The following PPP1R12A variants were observed in gnomAD, a reference collection of about 807,000 sequenced individuals.
The protein encoded by PPP1R12A is protein phosphatase 1 regulatory subunit 12A.
PPP1R12A carries 19 observed loss-of-function variants against 139.6 expected under a neutral mutation model. That is an observed-to-expected ratio of 0.14 (90% confidence interval 0.09 to 0.20). The LOEUF is 0.20. Among genes scored for constraint, PPP1R12A ranks in the 10% least tolerant of loss-of-function variants. The probability of loss-of-function intolerance (pLI) is 1.00; values close to 1 mark genes in which losing one functional copy is unlikely to be tolerated. For missense variants in PPP1R12A, 925 were observed against 1,211.5 expected (o/e 0.76, Z 3.51); for synonymous variants, 427 against 420.6 (o/e 1.02, Z -0.19).
intron 9 of PPP1R12A, among the ~76,000 whole-genome samples, chr12:79,814,202 G>A (rs1874963592): frequency 6.6e-6 from 1 of 152,118 alleles, no homozygotes; most frequent in Non-Finnish European, 1.5e-5. Context: ...CTTCGGCTGG[G>A]CATGGTGGCT....
chr12:79,802,438 GA>G (rs1384566997), intron 14 of PPP1R12A, among the ~76,000 whole-genome samples: 9 of 152,202 alleles, frequency 5.9e-5, no homozygotes, highest in African/African-American at 4.8e-5. Flanking sequence ...AGGAAGAGAA[GA>G]AAAAATAAAA....
intron 2 of PPP1R12A, among the ~76,000 whole-genome samples, chr12:79,856,821 T>C (rs1397151092): frequency 6.6e-6 from 1 of 152,218 alleles, no homozygotes; most frequent in African/African-American, 2.4e-5. Flanking sequence ...CAAATAACTT[T>C]TGGTAGGTCT....
At chr12:79,854,461 T>C (rs913145834) in intron 2 of PPP1R12A, among the ~76,000 whole-genome samples, 1 of 152,156 alleles carries the variant, frequency 6.6e-6, no homozygotes, top group Non-Finnish European at 1.5e-5. Flanking sequence ...TTCTTCAGCT[T>C]CCCCTAATTC....
At chr12:79,867,807 T>C (rs1173217870) in intron 2 of PPP1R12A, among the ~76,000 whole-genome samples, 1 of 152,130 alleles carries the variant, frequency 6.6e-6, no homozygotes, top group Non-Finnish European at 1.5e-5. Flanking sequence ...TGAGTTCTCA[T>C]GAGATCTGAT....
At chr12:79,931,153 C>T (rs1180256407) in intron 1 of PPP1R12A, among the ~76,000 whole-genome samples, 1 of 152,056 alleles carries the variant, frequency 6.6e-6, no homozygotes, top group Non-Finnish European at 1.5e-5. Flanking sequence ...CTAATGTTAA[C>T]GGATAAACGT....
At chr12:79,868,562 T>C (rs1031525865) in intron 2 of PPP1R12A, among the ~76,000 whole-genome samples, 5 of 149,480 alleles carry the variant, frequency 3.3e-5, no homozygotes. Context: ...CCTCTCTCCT[T>C]GGTTGGTAGA....
chr12:79,843,377 A>T (rs1218118037), intron 3 of PPP1R12A, among the ~76,000 whole-genome samples: 1 of 151,866 alleles, frequency 6.6e-6, no homozygotes, highest in Non-Finnish European at 1.5e-5. Flanking sequence ...GGAGGTGGAG[A>T]CCAGCCTGGC....
At chr12:79,916,631 C>T (rs1224150861) in intron 1 of PPP1R12A, among the ~76,000 whole-genome samples, 1 of 152,162 alleles carries the variant, frequency 6.6e-6, no homozygotes, top group Non-Finnish European at 1.5e-5. Flanking sequence ...CTACAAAATA[C>T]ATCTAACCAT....
At chr12:79,814,321 C>T (rs1485648420) in intron 9 of PPP1R12A, among the ~76,000 whole-genome samples, 1 of 150,568 alleles carries the variant, frequency 6.6e-6, no homozygotes, top group African/African-American at 2.4e-5. Flanking sequence ...ACTAAAAATA[C>T]AAAAAATTAG....
In PPP1R12A at chr12:79,934,842, C is replaced by T; in HGVS notation, c.90G>A (p.Lys30=). 3.7e-6 allele frequency: 6 copies of T among 1,611,654 alleles called. No homozygotes were observed. Among genetic ancestry groups the T allele is most frequent in the Non-Finnish European group, 5.1e-6 (6 of 1,179,002 alleles). Residue 30 remains lysine (K), a synonymous_variant, in exon 1 of 25, where the codon AAG becomes AAA. Transcript: ENST00000450142. ...CGAACTTCACCTTGGTCTTCTGGCG[C>T]TTCACCACCGGAGGCTCGAGGTCCG... ...SETDLEPPVV[K]RQKTKVKFDD...
chr12:79,898,072 ATT>A (rs1428621268), intron 1 of PPP1R12A, among the ~76,000 whole-genome samples: 1 of 152,184 alleles, frequency 6.6e-6, no homozygotes, highest in Non-Finnish European at 1.5e-5. Context: ...AACACATTCT[ATT>A]TATCACCTCA....
intron 1 of PPP1R12A, among the ~76,000 whole-genome samples, chr12:79,896,462 C>A (rs188206399): frequency 2.0e-5 from 3 of 151,984 alleles, no homozygotes; most frequent in Non-Finnish European, 4.4e-5. Context: ...GCCTCCCAAG[C>A]AGCTGCGACC....
chr12:79,858,362 T>A (rs914708242), intron 2 of PPP1R12A, among the ~76,000 whole-genome samples: 1 of 152,228 alleles, frequency 6.6e-6, no homozygotes, highest in African/African-American at 2.4e-5. Context: ...ACTAATTCAG[T>A]TAATATTTAC....
chr12:79,799,836 C>T (rs1872891899), intron 14 of PPP1R12A, among the ~76,000 whole-genome samples: 1 of 151,838 alleles, frequency 6.6e-6, no homozygotes, highest in Admixed American at 6.6e-5. Flanking sequence ...ATGAGGAAAC[C>T]TGTCGCTACA....
intron 11 of PPP1R12A, among the ~76,000 whole-genome samples, chr12:79,808,279 A>G (rs1874106306): frequency 6.6e-6 from 1 of 152,056 alleles, no homozygotes; most frequent in Non-Finnish European, 1.5e-5. Flanking sequence ...TGTTCCAGCC[A>G]CATCTTCTTT....
At chr12:79,927,923 A>G (rs866339071) in intron 1 of PPP1R12A, among the ~76,000 whole-genome samples, 49 of 152,222 alleles carry the variant, frequency 3.2e-4, no homozygotes, top group Middle Eastern at 3.2e-3. Context: ...AACTTTCAAA[A>G]GAAGGGTGGA....
chr12:79,928,058 T>C (rs1434658119), intron 1 of PPP1R12A, among the ~76,000 whole-genome samples: 1 of 152,238 alleles, frequency 6.6e-6, no homozygotes, highest in Non-Finnish European at 1.5e-5. Flanking sequence ...AAAAGGTTTT[T>C]AAATAGTTTT....
At chr12:79,857,886 A>C (rs544743204) in intron 2 of PPP1R12A, among the ~76,000 whole-genome samples, 1 of 152,324 alleles carries the variant, frequency 6.6e-6, no homozygotes, top group African/African-American at 2.4e-5. Context: ...TCTGATTGTG[A>C]AATAGGAATA....
intron 1 of PPP1R12A, among the ~76,000 whole-genome samples, chr12:79,895,771 T>C (rs954841153): frequency 6.6e-6 from 1 of 152,216 alleles, no homozygotes; most frequent in East Asian, 1.9e-4. Context: ...CAACAATTAC[T>C]ATCATCTGTA....
Sources: allele counts gnomAD v4.1 joint callset (sites outside exome capture counted in the v4.1 genomes callset), GRCh38; gene constraint gnomAD v4.1.1; transcripts MANE v1.5; gene names NCBI Gene and HGNC (gene_info 2026-07-23, HGNC 2026-07-21).